NLGN1: variants seen among roughly 807,000 people sequenced by gnomAD.
NLGN1 encodes the protein neuroligin 1.
NLGN1 carries 12 observed loss-of-function variants against 65.5 expected under a neutral mutation model. The observed-to-expected ratio is 0.18, with a 90% CI of 0.12 to 0.30. The LOEUF (loss-of-function observed/expected upper bound fraction) is 0.30. NLGN1 is among the 10% of genes least tolerant of loss of function. The pLI is 1.00. For missense variants in NLGN1, 750 were observed against 1,007.1 expected (o/e 0.74, Z 3.46); for synonymous variants, 350 against 359.5 (o/e 0.97, Z 0.30).
rs1207252775 is a variant in NLGN1 at position 173,640,860 on chromosome 3, G to T, written c.493+35769G>T. On this transcript the variant is annotated intron_variant, in intron 3 of 6. Transcript: ENST00000457714. ...TAGATCAGATTAAACACTTTGGCAAGAATATTACTTAGGGGTTGTTGCTTA... is the reference window on the plus strand; with the variant it reads ...TAGATCAGATTAAACACTTTGGCAATAATATTACTTAGGGGTTGTTGCTTA... 3.3e-5 allele frequency among the ~76,000 whole-genome samples: 5 copies of T among 152,144 alleles called. No individual in the cohort carries two copies. The East Asian group carries it at 9.6e-4, about 29-fold the overall frequency.
intron 4 of NLGN1, among the ~76,000 whole-genome samples, chr3:174,273,085 G>T (rs1003579123): frequency 2.0e-5 from 3 of 151,292 alleles, no homozygotes; most frequent in Non-Finnish European, 4.4e-5. Context: ...ATTACAGTGG[G>T]GATACAATTT....
chr3:173,757,803 C>T (rs572711744), intron 3 of NLGN1, among the ~76,000 whole-genome samples: 28 of 152,136 alleles, frequency 1.8e-4, no homozygotes, highest in Admixed American at 1.5e-3. Context: ...TAAAAGCCCA[C>T]GTACTTCAAA....
intron 2 of NLGN1, among the ~76,000 whole-genome samples, chr3:173,453,090 C>T (rs1411900696): frequency 6.7e-6 from 1 of 148,948 alleles, no homozygotes; most frequent in African/African-American, 2.5e-5. Flanking sequence ...TATGTAATTT[C>T]TTTTCTTTTC....
chr3:174,253,697 G>A (rs1022169260), intron 4 of NLGN1, among the ~76,000 whole-genome samples: 4 of 152,142 alleles, frequency 2.6e-5, no homozygotes, highest in African/African-American at 9.7e-5. Context: ...TAATGTGAGG[G>A]CACCCTGGGG....
chr3:174,193,484 T>C (rs1385555762), intron 4 of NLGN1, among the ~76,000 whole-genome samples: 2 of 152,174 alleles, frequency 1.3e-5, no homozygotes, highest in African/African-American at 4.8e-5. Context: ...CTGCGAGGTT[T>C]CAAGGAGTAT....
intron 2 of NLGN1, among the ~76,000 whole-genome samples, chr3:173,452,170 T>C (rs1428682903): frequency 6.6e-6 from 1 of 151,980 alleles, no homozygotes. Context: ...AGCTGTAGAC[T>C]GGAGCTGTTC....
chr3:174,281,497 A>G (rs1428449211), exon 7 of NLGN1: 2 of 492,882 alleles, frequency 4.1e-6, no homozygotes, highest in Non-Finnish European at 7.2e-6. Flanking sequence ...ACAAATTTCA[A>G]TTGCTTGAAG....
chr3:173,649,481 GT>G (rs1758803779), intron 3 of NLGN1, among the ~76,000 whole-genome samples: 1 of 151,978 alleles, frequency 6.6e-6, no homozygotes, highest in South Asian at 2.1e-4. Context: ...TTTTTTATGT[GT>G]CAATTATACC....
chr3:173,747,073 C>T lies in NLGN1; in HGVS notation c.494-60607C>T, dbSNP rs866385587. On this transcript the variant is annotated intron_variant, in intron 3 of 6. Transcript: ENST00000457714. ...AAAATTATATATACACACACACACACACACACACACACACACACAAACACA... is the reference window on the plus strand; with the variant it reads ...AAAATTATATATACACACACACACATACACACACACACACACACAAACACA... Among the ~76,000 whole-genome samples the T allele has an allele frequency of 2.6e-3, 395 of 150,470 alleles. 7 individuals are homozygous for T. Among genetic ancestry groups the T allele is most frequent in the African/African-American group, 8.9e-3 (365 of 41,086 alleles).
chr3:173,448,445 G>A (rs916767290), intron 2 of NLGN1, among the ~76,000 whole-genome samples: 6 of 152,180 alleles, frequency 3.9e-5, no homozygotes, highest in Admixed American at 2.0e-4. Flanking sequence ...TTTTTGATGT[G>A]TTGCTGTATT....
chr3:173,946,816 T>C (rs182657219), intron 4 of NLGN1, among the ~76,000 whole-genome samples: 58 of 152,324 alleles, frequency 3.8e-4, no homozygotes, highest in Admixed American at 1.0e-3. Context: ...TAATTTACAC[T>C]GGCGAGAATA....
At chr3:174,169,804 A>C (rs924212751) in intron 4 of NLGN1, among the ~76,000 whole-genome samples, 1 of 152,078 alleles carries the variant, frequency 6.6e-6, no homozygotes, top group South Asian at 2.1e-4. Context: ...CCAGGCTTAC[A>C]ATGGGGGAGA....
intron 4 of NLGN1, among the ~76,000 whole-genome samples, chr3:173,957,213 A>C (rs1712299541): frequency 6.6e-6 from 1 of 152,138 alleles, no homozygotes; most frequent in Non-Finnish European, 1.5e-5. Context: ...TGCCTGGATA[A>C]GTTGTTTATC....
At chr3:173,462,594 C>A (rs559316981) in intron 2 of NLGN1, among the ~76,000 whole-genome samples, 1 of 152,208 alleles carries the variant, frequency 6.6e-6, no homozygotes, top group Non-Finnish European at 1.5e-5. Context: ...TTTGTCTTAC[C>A]ATAGCCAGTC....
chr3:173,507,049 A>G (rs182344255), intron 2 of NLGN1, among the ~76,000 whole-genome samples: 121 of 152,272 alleles, frequency 7.9e-4, no homozygotes, highest in African/African-American at 2.7e-3. Flanking sequence ...TTCTCACTTC[A>G]GGCTGAAACA....
chr3:173,634,536 G>T (rs1348733174), intron 3 of NLGN1, among the ~76,000 whole-genome samples: 1 of 151,968 alleles, frequency 6.6e-6, no homozygotes, highest in Non-Finnish European at 1.5e-5. Flanking sequence ...ATAAATTATA[G>T]ACCTCTTTCC....
chr3:173,853,167 T>C (rs925295782), intron 4 of NLGN1, among the ~76,000 whole-genome samples: 3 of 152,218 alleles, frequency 2.0e-5, no homozygotes, highest in Non-Finnish European at 4.4e-5. Flanking sequence ...TAGGTGTATC[T>C]TGTCAGCATA....
At chr3:173,492,336 A>G (rs1038457927) in intron 2 of NLGN1, among the ~76,000 whole-genome samples, 1 of 151,840 alleles carries the variant, frequency 6.6e-6, no homozygotes, top group Admixed American at 6.6e-5. Flanking sequence ...TCATTTAATG[A>G]GCCTAAGCAT....
chr3:173,566,629 C>T (rs1329907289), intron 2 of NLGN1, among the ~76,000 whole-genome samples: 5 of 152,142 alleles, frequency 3.3e-5, no homozygotes, highest in African/African-American at 1.2e-4. Flanking sequence ...CCTCTCTACC[C>T]TCTACCCTCA....
Sources: allele counts gnomAD v4.1 joint callset (sites outside exome capture counted in the v4.1 genomes callset), GRCh38; gene constraint gnomAD v4.1.1; transcripts MANE v1.5; gene names NCBI Gene and HGNC (gene_info 2026-07-23, HGNC 2026-07-21).